Variants in EYS observed in about 807,000 individuals in gnomAD.
EYS encodes EGF-like photoreceptor maintenance factor.
In EYS, 250 loss-of-function variants were observed where a neutral mutation model predicts 282.1. The observed-to-expected ratio is 0.89, with a 90% CI of 0.80 to 0.98. EYS has a LOEUF of 0.98. Among genes scored for constraint, EYS ranks in the 50% least tolerant of loss-of-function variants. The pLI is 0.00. For synonymous variants in EYS, 1,355 were observed against 1,282.9 expected, an observed-to-expected ratio of 1.06 and a Z score of -1.20; for missense variants, 4,016 against 3,709.0, an observed-to-expected ratio of 1.08 and a Z score of -2.15.
At chr6:65,704,249 T>A (rs543486077) in intron 1 of EYS, among the ~76,000 whole-genome samples, 53 of 152,294 alleles carry the variant, frequency 3.5e-4, no homozygotes, top group East Asian at 5.8e-4. Context: ...CATACAATAG[T>A]TTATGTAAGC....
intron 2 of EYS, among the ~76,000 whole-genome samples, chr6:65,511,365 G>C (rs1238401141): frequency 6.6e-6 from 1 of 150,574 alleles, no homozygotes; most frequent in Non-Finnish European, 1.5e-5. Context: ...GTGTGTGTGT[G>C]TGAGAGAGAG....
intron 35 of EYS, among the ~76,000 whole-genome samples, chr6:63,886,583 T>C (rs1279162531): frequency 1.3e-5 from 2 of 152,206 alleles, no homozygotes; most frequent in Non-Finnish European, 1.5e-5. Flanking sequence ...AATAAGGTGA[T>C]AACAAGATGA....
chr6:65,154,964 C>T (rs78717031), intron 12 of EYS, among the ~76,000 whole-genome samples: 97 of 151,402 alleles, frequency 6.4e-4, no homozygotes, highest in African/African-American at 2.3e-3. Context: ...ATTAAAATGC[C>T]ATAAGTTAAT....
chr6:64,172,897 G>A (rs757561301), intron 31 of EYS, among the ~76,000 whole-genome samples: 7 of 152,076 alleles, frequency 4.6e-5, no homozygotes, highest in Non-Finnish European at 7.4e-5. Context: ...GTTTCGTCTC[G>A]AAACCATCCT....
intron 22 of EYS, among the ~76,000 whole-genome samples, chr6:64,773,302 G>T (rs1470335447): frequency 6.6e-6 from 1 of 151,708 alleles, no homozygotes; most frequent in African/African-American, 2.4e-5. Context: ...TGCTGCAAAG[G>T]GCATGATCTC....
intron 40 of EYS, 72 bp downstream of exon 40, chr6:63,777,934 G>T (rs1454387431): frequency 1.5e-6 from 2 of 1,324,902 alleles, no homozygotes; most frequent in Non-Finnish European, 2.1e-6. Context: ...TGTACAAGTG[G>T]AATGACAGAG....
intron 22 of EYS, among the ~76,000 whole-genome samples, chr6:64,662,545 T>C (rs1482400466): frequency 6.6e-6 from 1 of 152,140 alleles, no homozygotes; most frequent in African/African-American, 2.4e-5. Context: ...CCAGCAAATA[T>C]TATTCTGAAA....
At chr6:65,387,776 T>A (rs1231591587) in intron 7 of EYS, among the ~76,000 whole-genome samples, 1 of 152,000 alleles carries the variant, frequency 6.6e-6, no homozygotes, top group African/African-American at 2.4e-5. Context: ...CAACTTTTGA[T>A]ACATTTTTTT....
chr6:65,615,636 T>C (rs939922329), intron 2 of EYS, among the ~76,000 whole-genome samples: 1 of 151,994 alleles, frequency 6.6e-6, no homozygotes, highest in African/African-American at 2.4e-5. Context: ...TATGGTTACT[T>C]AGCAAAAAAA....
At chr6:65,470,796 G>A (rs1055096142) in intron 5 of EYS, among the ~76,000 whole-genome samples, 4 of 152,100 alleles carry the variant, frequency 2.6e-5, no homozygotes, top group African/African-American at 4.8e-5. Context: ...ATACCAAGAA[G>A]AGAAATTGTT....
intron 2 of EYS, among the ~76,000 whole-genome samples, chr6:65,614,680 G>A (rs1038024274): frequency 6.6e-6 from 1 of 152,054 alleles, no homozygotes; most frequent in African/African-American, 2.4e-5. Flanking sequence ...TTATTAGATA[G>A]AGAAAGTGGT....
At chr6:64,940,017 T>A (rs761191101) in intron 15 of EYS, among the ~76,000 whole-genome samples, 1 of 151,992 alleles carries the variant, frequency 6.6e-6, no homozygotes, top group Non-Finnish European at 1.5e-5. Flanking sequence ...TTTGAAAACA[T>A]TGGCTTTCAC....
rs116127854 is a variant in EYS, at chr6:63,902,989, C to T, written c.7056-38631G>A. 8.1e-3 allele frequency among the ~76,000 whole-genome samples: 1,236 copies of T among 152,240 alleles called. 14 individuals are homozygous for T. The highest frequency in any genetic ancestry group is 0.028 in the African/African-American group (1,175 of 41,540). ...AGAAAGGAGAAGTACTAAATGTCAC[C>T]TAGGAGAAGGAAAGAGTGAATAGCT... On this transcript the variant is annotated intron_variant, in intron 35 of 42. Coordinates refer to ENST00000503581, the MANE Select transcript of EYS (RefSeq NM_001142800.2).
At chr6:64,447,456 C>G (rs1452330588) in intron 26 of EYS, among the ~76,000 whole-genome samples, 2 of 138,784 alleles carry the variant, frequency 1.4e-5, no homozygotes, top group African/African-American at 5.1e-5. Flanking sequence ...TCTTGAAATT[C>G]TGATTTTTTT....
intron 35 of EYS, among the ~76,000 whole-genome samples, chr6:63,901,895 T>C (rs1045418576): frequency 1.3e-5 from 2 of 151,902 alleles, no homozygotes; most frequent in African/African-American, 4.9e-5. Context: ...TTTATTTATT[T>C]ATTTATTATT....
intron 31 of EYS, among the ~76,000 whole-genome samples, chr6:64,122,465 G>A (rs574078159): frequency 4.8e-4 from 73 of 152,162 alleles, no homozygotes; most frequent in Middle Eastern, 3.4e-3. Flanking sequence ...TACCTAATAC[G>A]AATAAACATT....
intron 5 of EYS, among the ~76,000 whole-genome samples, chr6:65,458,870 C>T (rs75678400): frequency 0.019 from 2,835 of 152,096 alleles, 84 homozygotes; most frequent in African/African-American, 0.064. Context: ...TCAAATAAAA[C>T]ATCATTGCAG....
intron 2 of EYS, among the ~76,000 whole-genome samples, chr6:65,606,295 T>C (rs187514160): frequency 6.6e-6 from 1 of 151,920 alleles, no homozygotes; most frequent in Admixed American, 6.6e-5. Flanking sequence ...AAAGTAAAAC[T>C]ATTTATTGCT....
At chr6:64,536,936 C>A (rs115619971) in intron 26 of EYS, among the ~76,000 whole-genome samples, 5,686 of 151,632 alleles carry the variant, frequency 0.037, 232 homozygotes, top group East Asian at 0.11. Flanking sequence ...AATCTTTTTT[C>A]CCTCAATTAA....
Sources: gnomAD v4.1 joint callset for allele counts (sites outside exome capture counted in the v4.1 genomes callset) on GRCh38, gnomAD v4.1.1 for gene constraint, MANE v1.5 for transcripts, NCBI Gene and HGNC (gene_info 2026-07-23, HGNC 2026-07-21) for gene names.